Variants in ST6GALNAC3 observed in about 807,000 individuals in gnomAD.
ST6GALNAC3 encodes alpha-N-acetylgalactosaminide alpha-2,6-sialyltransferase 3.
A neutral mutation model predicts 32.7 loss-of-function variants in ST6GALNAC3; 25 were observed. That is an observed-to-expected ratio of 0.76 (90% confidence interval 0.56 to 1.07). The LOEUF (loss-of-function observed/expected upper bound fraction) is 1.07, where lower values mean the gene tolerates loss of function less well. ST6GALNAC3 is among the 50% of genes least tolerant of loss of function. The pLI is 0.00. For synonymous variants in ST6GALNAC3, 129 were observed against 133.1 expected, an observed-to-expected ratio of 0.97 and a Z score of 0.21; for missense variants, 355 against 382.4, an observed-to-expected ratio of 0.93 and a Z score of 0.60.
intron 3 of ST6GALNAC3, chr1:76,577,392 C>T: frequency 3.3e-6 from 3 of 911,570 alleles, no homozygotes; most frequent in Non-Finnish European, 3.9e-6. Flanking sequence ...GGAAATCGCT[C>T]TTGTGAAAAC....
At chr1:76,149,022 A>G (rs1244734265) in intron 1 of ST6GALNAC3, among the ~76,000 whole-genome samples, 1 of 152,196 alleles carries the variant, frequency 6.6e-6, no homozygotes, top group Non-Finnish European at 1.5e-5. Flanking sequence ...TGGGTATAAC[A>G]ATGCTTGCCT....
At chr1:76,290,496 T>A (rs999352798) in intron 1 of ST6GALNAC3, among the ~76,000 whole-genome samples, 1 of 152,208 alleles carries the variant, frequency 6.6e-6, no homozygotes, top group African/African-American at 2.4e-5. Context: ...TTGATTTTTT[T>A]AACCACAGCT....
chr1:76,263,728 C>T (rs1658373600), intron 1 of ST6GALNAC3, among the ~76,000 whole-genome samples: 1 of 152,188 alleles, frequency 6.6e-6, no homozygotes. Flanking sequence ...CTGTATTTCT[C>T]GAATGTTCCT....
intron 2 of ST6GALNAC3, among the ~76,000 whole-genome samples, chr1:76,371,671 A>G (rs1422869536): frequency 3.3e-5 from 5 of 152,166 alleles, no homozygotes; most frequent in African/African-American, 1.2e-4. Flanking sequence ...TGTCTCCCCT[A>G]TATTATAACT....
At chr1:76,508,601 T>C (rs1272934029) in intron 3 of ST6GALNAC3, among the ~76,000 whole-genome samples, 1 of 152,038 alleles carries the variant, frequency 6.6e-6, no homozygotes, top group African/African-American at 2.4e-5. Flanking sequence ...ACAGCCCCAG[T>C]GTTGCTGAGG....
At chr1:76,254,678 T>C (rs1026744120) in intron 1 of ST6GALNAC3, among the ~76,000 whole-genome samples, 1 of 151,216 alleles carries the variant, frequency 6.6e-6, no homozygotes, top group African/African-American at 2.5e-5. Flanking sequence ...GTGAATTTCC[T>C]GCCTTAAACT....
At chr1:76,233,196 A>G (rs1171910118) in intron 1 of ST6GALNAC3, among the ~76,000 whole-genome samples, 1 of 152,196 alleles carries the variant, frequency 6.6e-6, no homozygotes, top group Non-Finnish European at 1.5e-5. Flanking sequence ...TACAACTATT[A>G]TCATTAAAAC....
At chr1:76,555,505 T>C (rs1481057022) in intron 3 of ST6GALNAC3, among the ~76,000 whole-genome samples, 1 of 152,128 alleles carries the variant, frequency 6.6e-6, no homozygotes, top group Non-Finnish European at 1.5e-5. Context: ...AAATGCTGAC[T>C]GATCCAAACA....
intron 1 of ST6GALNAC3, among the ~76,000 whole-genome samples, chr1:76,222,132 A>G (rs1655807895): frequency 6.6e-6 from 1 of 152,166 alleles, no homozygotes; most frequent in Admixed American, 6.5e-5. Context: ...AAAATTAAAC[A>G]TTTAAAATGT....
intron 3 of ST6GALNAC3, among the ~76,000 whole-genome samples, chr1:76,488,184 T>C (rs1660257200): frequency 6.6e-6 from 1 of 152,182 alleles, no homozygotes; most frequent in South Asian, 2.1e-4. Flanking sequence ...TGATCCTTCA[T>C]GAATGGCTTG....
chr1:76,076,214 C>T (rs1311187446), intron 1 of ST6GALNAC3, among the ~76,000 whole-genome samples: 1 of 152,144 alleles, frequency 6.6e-6, no homozygotes, highest in African/African-American at 2.4e-5. Context: ...GTGTTATTTG[C>T]TGAAAGGGAC....
chr1:76,258,820 C>T (rs964709364), intron 1 of ST6GALNAC3, among the ~76,000 whole-genome samples: 1 of 152,146 alleles, frequency 6.6e-6, no homozygotes. Flanking sequence ...ATACAGAATG[C>T]ATCATGTAAT....
intron 1 of ST6GALNAC3, among the ~76,000 whole-genome samples, chr1:76,121,307 C>G (rs1648856615): frequency 6.6e-6 from 1 of 152,216 alleles, no homozygotes; most frequent in Non-Finnish European, 1.5e-5. Context: ...TCCACCACCA[C>G]CACCTTACCT....
intron 2 of ST6GALNAC3, among the ~76,000 whole-genome samples, chr1:76,331,611 A>G (rs1647187870): frequency 6.6e-6 from 1 of 152,166 alleles, no homozygotes; most frequent in Admixed American, 6.5e-5. Flanking sequence ...TTCACCAATT[A>G]CTTGCAGATT....
intron 2 of ST6GALNAC3, among the ~76,000 whole-genome samples, chr1:76,379,011 C>A (rs1240440528): frequency 6.6e-6 from 1 of 152,194 alleles, no homozygotes; most frequent in East Asian, 1.9e-4. Flanking sequence ...GATTCTCCTG[C>A]CTCAGCCTCC....
intron 3 of ST6GALNAC3, among the ~76,000 whole-genome samples, chr1:76,602,170 A>T (rs1647265205): frequency 1.3e-5 from 2 of 152,160 alleles, no homozygotes; most frequent in Admixed American, 1.3e-4. Flanking sequence ...TTGGTTAAGG[A>T]TTGCATGTAC....
chr1:76,634,163 G>A lies in ST6GALNAC3; in HGVS notation c.*5357G>A. The A allele has an allele frequency of 1.0e-6, 1 of 984,450 alleles. No individual in the cohort carries two copies. The highest frequency in any genetic ancestry group is 1.2e-6 in the Non-Finnish European group (1 of 829,660). The allele number at this position is 984,450 out of a possible 1,614,324, so 61.0% of individuals were successfully genotyped here. On this transcript the variant is annotated 3_prime_UTR_variant, in exon 5 of 5. Coordinates refer to ENST00000328299, the MANE Select transcript of ST6GALNAC3 (RefSeq NM_152996.4). ...TTTTGTTCACGCCTTGAAGACTTCA[G>A]AAAAATAGAAGCTCACTTCCTTCCA... is the stretch of plus-strand genomic sequence containing the variant.
chr1:76,097,815 T>A (rs779703731), intron 1 of ST6GALNAC3, among the ~76,000 whole-genome samples: 15 of 152,210 alleles, frequency 9.9e-5, no homozygotes, highest in Non-Finnish European at 2.1e-4. Context: ...CCTGTACCTG[T>A]CTCTTGGGGC....
At chr1:76,579,837 TG>T (rs1646867388) in intron 3 of ST6GALNAC3, among the ~76,000 whole-genome samples, 1 of 152,084 alleles carries the variant, frequency 6.6e-6, no homozygotes, top group African/African-American at 2.4e-5. Context: ...TTTACATATG[TG>T]GTCTTTTCTA....
Sources: gnomAD v4.1 joint callset for allele counts (sites outside exome capture counted in the v4.1 genomes callset) on GRCh38, gnomAD v4.1.1 for gene constraint, MANE v1.5 for transcripts, NCBI Gene and HGNC (gene_info 2026-07-23, HGNC 2026-07-21) for gene names.